FN1: variants seen among roughly 807,000 people sequenced by gnomAD.
FN1 encodes the protein fibronectin 1.
Under a neutral mutation model 297.3 loss-of-function variants are expected in FN1, and 106 were observed. The ratio of observed to expected loss-of-function variants is 0.36; its 90% CI spans 0.30 to 0.42. The LOEUF is 0.42. Ranked by LOEUF, FN1 falls within the 10% of genes least tolerant of loss-of-function variation. FN1 has a pLI of 1.00. For synonymous variants in FN1, 1,149 were observed against 1,152.6 expected, an observed-to-expected ratio of 1.00 and a Z score of 0.06; for missense variants, 2,690 against 3,124.9, an observed-to-expected ratio of 0.86 and a Z score of 3.32.
At chr2:215,404,819 A>G (rs1305979933) in intron 19 of FN1, among the ~76,000 whole-genome samples, 164 bp from the exon 20 acceptor site, 4 of 152,240 alleles carry the variant, frequency 2.6e-5, no homozygotes, top group Non-Finnish European at 5.9e-5. Context: ...TGAGTGCTAC[A>G]CAAAACTTTG....
chr2:215,392,160 A>T, intron 25 of FN1: 1 of 286,156 alleles, frequency 3.5e-6, no homozygotes, highest in Non-Finnish European at 6.7e-6. Flanking sequence ...GCAAAGAGAA[A>T]CATAGCAGTA....
At chr2:215,379,696 TGTTA>T in intron 33 of FN1, 1 of 249,580 alleles carries the variant, frequency 4.0e-6, no homozygotes, top group Non-Finnish European at 7.9e-6. Context: ...TTCTTAAAAT[TGTTA>T]ATTAATTAAT....
chr2:215,433,584 T>C, intron 2 of FN1, 123 bp from the exon 3 acceptor site: 3 of 956,088 alleles, frequency 3.1e-6, no homozygotes, highest in South Asian at 2.8e-5. Context: ...CCTCAAAGAA[T>C]AAAATGAAGT....
chr2:215,418,176 C>T (rs916726907), intron 12 of FN1, among the ~76,000 whole-genome samples: 1 of 152,138 alleles, frequency 6.6e-6, no homozygotes, highest in African/African-American at 2.4e-5. Context: ...AGTCACCTTC[C>T]CCAGCACTGA....
At chr2:215,418,077 C>CA (rs1331914092) in intron 12 of FN1, among the ~76,000 whole-genome samples, 2 of 152,058 alleles carry the variant, frequency 1.3e-5, no homozygotes, top group African/African-American at 4.8e-5. Flanking sequence ...TATTAAGTTA[C>CA]AAAAAATTAA....
chr2:215,392,146 C>T (rs912378583), intron 25 of FN1: 44 of 312,450 alleles, frequency 1.4e-4, no homozygotes, highest in African/African-American at 9.0e-4. Context: ...TAAGTTGCCA[C>T]ACAGCAAAGA....
intron 20 of FN1, among the ~76,000 whole-genome samples, chr2:215,399,579 GA>G (rs2060744440): frequency 6.6e-6 from 1 of 152,022 alleles, no homozygotes; most frequent in African/African-American, 2.4e-5. Flanking sequence ...TCTGTTTCTG[GA>G]GGTCCAACAA....
chr2:215,394,783 A>G, intron 23 of FN1, 64 bp from the exon 24 acceptor site: 3 of 1,271,976 alleles, frequency 2.4e-6, no homozygotes, highest in Non-Finnish European at 3.4e-6. Flanking sequence ...ATATTTAACT[A>G]GACTCCAATG....
chr2:215,371,801 T>A, intron 40 of FN1, 108 bp downstream of exon 40: 1 of 941,738 alleles, frequency 1.1e-6, no homozygotes, highest in East Asian at 2.6e-5. Context: ...GCGTGAGCCA[T>A]CACACCCGGC....
In FN1 at chr2:215,380,990, C is replaced by T; in HGVS notation, c.5255G>A (p.Arg1752Lys). ...AWESPQGQVSRYRVTYSSPED... is the reference protein window; with the variant it reads ...AWESPQGQVSKYRVTYSSPED... Reference sequence around the variant, plus strand: ...AGGGCTCGAGTAGGTCACCCTGTACCTGGAAACTTGCCCCTGTGGGCTTTC... The same window carrying T: ...AGGGCTCGAGTAGGTCACCCTGTACTTGGAAACTTGCCCCTGTGGGCTTTC... The change falls in exon 33 of 46, where the codon AGG (arginine) becomes AAG (lysine). Residue 1752 changes from arginine to lysine, a missense_variant. Around this residue, in one of 3 missense-constraint regions of FN1, gnomAD observed 1,743 missense variants for 1,945.2 expected, o/e 0.90. Coordinates refer to ENST00000354785, the MANE Select transcript of FN1 (RefSeq NM_212482.4). 1 of 1,614,244 alleles carries T rather than the reference C, an allele frequency of 6.2e-7. No homozygotes were observed. The highest frequency in any genetic ancestry group is 2.2e-5 in the East Asian group (1 of 44,878).
chr2:215,409,654 A>C lies in FN1; in HGVS notation c.2208T>G (p.Phe736Leu). 6.2e-7 allele frequency: 1 copy of C among 1,613,928 alleles called. No individual in the cohort carries two copies. Among genetic ancestry groups the C allele is most frequent in the South Asian group, 1.1e-5 (1 of 91,070 alleles). The change falls in exon 15 of 46, where the codon TTT becomes TTG. Residue 736 changes from phenylalanine (F) to leucine (L), a missense_variant. By Grantham distance (22) the Phe-to-Leu change is conservative. Coordinates refer to ENST00000354785, the MANE Select transcript of FN1 (RefSeq NM_212482.4). ...CGGAAGCTGAGACCCAGGAGACCAC[A>C]AAGCTACTGGCTGTGATTTCGGTCA... Reference protein sequence around the residue: ...ESVTEITASSFVVSWVSASDT... With the variant: ...ESVTEITASSLVVSWVSASDT...
rs1286651800 is a variant in FN1 at position 215,372,145 on chromosome 2, T to C, written c.6478A>G (p.Ile2160Val). ...GGGTATGGTCTTGGCCTATGCCTTA[T>C]GGGGGTGGCCGTTGTGGGCGGTGTG... ...RTTPPTTATP[I>V]RHRPRPYPPN... The change falls in exon 40 of 46, where the codon ATA becomes GTA. Residue 2160 changes from isoleucine to valine, a missense_variant. Coordinates refer to ENST00000354785, the MANE Select transcript of FN1 (RefSeq NM_212482.4). 3.7e-6 allele frequency: 6 copies of C among 1,614,108 alleles called. No homozygotes were observed. The African/African-American group carries it at 4.0e-5, about 11-fold the overall frequency.
chr2:215,385,696 C>T (rs2058862001), intron 28 of FN1, among the ~76,000 whole-genome samples: 1 of 151,962 alleles, frequency 6.6e-6, no homozygotes, highest in Non-Finnish European at 1.5e-5. Context: ...AGTACTTCAG[C>T]CTCTATCTGC....
chr2:215,381,505 A>T, intron 32 of FN1: 1 of 296,788 alleles, frequency 3.4e-6, no homozygotes, highest in Non-Finnish European at 6.5e-6. Context: ...ATGGAGTCTC[A>T]CTCTATCACC....
At position 215,435,636 on chromosome 2, in the gene FN1, G is replaced by T. The variant is rs1201575561; in HGVS notation, c.148+19C>A. 2 of 1,613,296 alleles carry T rather than the reference G, an allele frequency of 1.2e-6. No individual in the cohort carries two copies. The highest frequency in any genetic ancestry group is 1.1e-5 in the South Asian group (1 of 90,960). ...CCCATCCCTGAGGCAGCCTGTTTCA[G>T]CCCGCGGTCAGTACTCACGCTTGCT... On this transcript the variant is annotated intron_variant, in intron 1 of 45. Transcript: ENST00000354785.
chr2:215,431,380 T>C (rs542691958), intron 4 of FN1, among the ~76,000 whole-genome samples: 3 of 152,316 alleles, frequency 2.0e-5, no homozygotes, highest in South Asian at 4.1e-4. Flanking sequence ...CAACTGAGGA[T>C]TGAGATCCAA....
chr2:215,435,423 G>A (rs1259512043), intron 1 of FN1, among the ~76,000 whole-genome samples: 1 of 152,192 alleles, frequency 6.6e-6, no homozygotes, highest in African/African-American at 2.4e-5. Flanking sequence ...GAATTTATTA[G>A]AACACGGGAA....
chr2:215,409,641 C>T lies in FN1; in HGVS notation c.2221G>A (p.Val741Ile), dbSNP rs764248125. The change falls in exon 15 of 46, where the codon GTC (valine) becomes ATC (isoleucine). Residue 741 changes from valine (V) to isoleucine (I), a missense_variant. Val to Ile is a conservative substitution (Grantham distance 29, BLOSUM62 3). Around this residue, in one of 3 missense-constraint regions of FN1, gnomAD observed 876 missense variants for 1,058.1 expected, o/e 0.83. Coordinates refer to ENST00000354785, the MANE Select transcript of FN1 (RefSeq NM_212482.4). ...ITASSFVVSW[V>I]SASDTVSGFR... ...CCCGACACGGTGTCGGAAGCTGAGA[C>T]CCAGGAGACCACAAAGCTACTGGCT... The T allele has an allele frequency of 1.2e-6, 2 of 1,613,880 alleles. No homozygotes were observed. Among genetic ancestry groups the T allele is most frequent in the Admixed American group, 3.3e-5 (2 of 59,994 alleles).
intron 11 of FN1, among the ~76,000 whole-genome samples, chr2:215,420,456 C>G (rs1044665569): frequency 6.6e-6 from 1 of 152,022 alleles, no homozygotes; most frequent in African/African-American, 2.4e-5. Context: ...TTAAAATAAG[C>G]CTAAATTTGT....
Sources: gnomAD v4.1 joint callset for allele counts (sites outside exome capture counted in the v4.1 genomes callset) on GRCh38, gnomAD v4.1.1 for gene constraint, gnomAD v4.1.1 regional missense constraint, MANE v1.5 for transcripts, NCBI Gene and HGNC (gene_info 2026-07-23, HGNC 2026-07-21) for gene names.